FAM184A: variants seen among roughly 807,000 people sequenced by gnomAD.
FAM184A encodes family with sequence similarity 184 member A.
Under a neutral mutation model 143.8 loss-of-function variants are expected in FAM184A, and 99 were observed. That is an observed-to-expected ratio of 0.69 (90% CI 0.58 to 0.81). The LOEUF is 0.81. Ranked by LOEUF, FAM184A falls within the 40% of genes least tolerant of loss-of-function variation. FAM184A has a pLI of 0.00. For missense variants in FAM184A, 1,217 were observed against 1,310.5 expected (o/e 0.93, Z 1.10); for synonymous variants, 427 against 446.4 (o/e 0.96, Z 0.55).
chr6:119,005,922 A>G lies in FAM184A; in HGVS notation c.1815+525T>C, dbSNP rs1476508385. 5.5e-6 allele frequency: 3 copies of G among 541,284 alleles called. No individual in the cohort carries two copies. The African/African-American group carries it at 5.6e-5, about 10-fold the overall frequency. The allele number at this position is 541,284 out of a possible 1,614,324, so 33.5% of individuals were successfully genotyped here. A position where few individuals can be genotyped will look rare whatever the true frequency, so the allele number is the denominator to read the frequency against. ...GAGAGTTCTACCTCTTACTAGTAAA[A>G]GAATTGCACGTTCCAATTGTTATCG... On this transcript the variant is annotated intron_variant, in intron 7 of 17. Coordinates refer to ENST00000338891, the MANE Select transcript of FAM184A (RefSeq NM_024581.6).
intron 1 of FAM184A, among the ~76,000 whole-genome samples, chr6:119,084,608 G>A (rs1476292391): frequency 1.3e-5 from 2 of 152,340 alleles, no homozygotes; most frequent in East Asian, 3.9e-4. Context: ...AAGGGCTGGA[G>A]GATGGCAGCC....
At chr6:119,099,689 C>T (rs905051228) in intron 1 of FAM184A, among the ~76,000 whole-genome samples, 4 of 152,188 alleles carry the variant, frequency 2.6e-5, no homozygotes, top group African/African-American at 7.2e-5. Context: ...TCGAAGTCTC[C>T]GTAAAAGGCG....
upstream of FAM184A, among the ~76,000 whole-genome samples, chr6:119,079,996 G>A (rs1186962106): frequency 6.6e-6 from 1 of 152,150 alleles, no homozygotes; most frequent in Non-Finnish European, 1.5e-5. Flanking sequence ...TGCTCCTTAA[G>A]CACTAATGAT....
At chr6:119,079,015 C>G (rs982324828), upstream of FAM184A, 13 of 152,090 alleles carry the variant, frequency 8.5e-5, no homozygotes, top group Non-Finnish European at 1.5e-4. Flanking sequence ...CTTCGGTTAG[C>G]AGAACGGGTG....
chr6:119,104,005 T>C (rs1788713055), intron 1 of FAM184A, among the ~76,000 whole-genome samples: 1 of 151,086 alleles, frequency 6.6e-6, no homozygotes. Flanking sequence ...TTTTGGAAAA[T>C]GATGATATTT....
intron 11 of FAM184A, among the ~76,000 whole-genome samples, chr6:118,979,137 G>C (rs1425457905): frequency 6.6e-6 from 1 of 152,190 alleles, no homozygotes; most frequent in Non-Finnish European, 1.5e-5. Context: ...TAGAGTACCA[G>C]TGGTGTTGCT....
chr6:119,090,634 A>G (rs1788341334), intron 1 of FAM184A, among the ~76,000 whole-genome samples: 2 of 152,214 alleles, frequency 1.3e-5, no homozygotes, highest in Admixed American at 1.3e-4. Context: ...CTGATTGTTA[A>G]AAGGACTCCA....
At chr6:118,970,311 G>A (rs1388290497) in intron 14 of FAM184A, among the ~76,000 whole-genome samples, 1 of 151,660 alleles carries the variant, frequency 6.6e-6, no homozygotes, top group South Asian at 2.1e-4. Context: ...AGCCGGGTCT[G>A]TATATCTTAA....
intron 1 of FAM184A, among the ~76,000 whole-genome samples, chr6:119,058,988 CT>C (rs1787117228): frequency 1.3e-5 from 2 of 150,852 alleles, no homozygotes; most frequent in Non-Finnish European, 3.0e-5. Context: ...TATATTTTAT[CT>C]TATTTTGAGA....
chr6:119,004,606 C>T (rs776112082), intron 7 of FAM184A, among the ~76,000 whole-genome samples: 2 of 152,122 alleles, frequency 1.3e-5, no homozygotes, highest in Admixed American at 1.3e-4. Flanking sequence ...ATGCAAAGTA[C>T]ATCATTAGAC....
At chr6:119,072,988 C>A (rs1031653520) in intron 1 of FAM184A, among the ~76,000 whole-genome samples, 6 of 152,096 alleles carry the variant, frequency 3.9e-5, no homozygotes, top group Admixed American at 1.3e-4. Context: ...AGCTTTGGTA[C>A]TATGTGCAAA....
At chr6:119,121,534 G>A (rs1235319093) in intron 1 of FAM184A, among the ~76,000 whole-genome samples, 4 of 152,160 alleles carry the variant, frequency 2.6e-5, no homozygotes, top group Non-Finnish European at 5.9e-5. Context: ...CCCTGAAATT[G>A]CATAATCCAG....
At chr6:119,143,431 C>A (rs991771920) in intron 1 of FAM184A, among the ~76,000 whole-genome samples, 5 of 152,134 alleles carry the variant, frequency 3.3e-5, no homozygotes, top group Non-Finnish European at 7.4e-5. Context: ...GTGAGTAAAA[C>A]AAAAGATGTG....
chr6:118,960,694 G>T, intron 17 of FAM184A: 1 of 661,390 alleles, frequency 1.5e-6, no homozygotes, highest in Non-Finnish European at 2.4e-6. Flanking sequence ...CGTTATTGAT[G>T]TTATATAGTT....
chr6:119,113,149 C>T (rs147589200), intron 1 of FAM184A, among the ~76,000 whole-genome samples: 1,677 of 152,242 alleles, frequency 0.011, 20 homozygotes, highest in South Asian at 0.042. Flanking sequence ...GGCCATTGTG[C>T]TCATGGGGCA....
In FAM184A at chr6:119,078,279, G is replaced by A; in HGVS notation, c.21C>T (p.Ser7=). The A allele has an allele frequency of 6.6e-7, 1 of 1,510,042 alleles. No homozygotes were observed. Among genetic ancestry groups the A allele is most frequent in the Non-Finnish European group, 8.8e-7 (1 of 1,133,028 alleles). The allele number at this position is 1,510,042 out of a possible 1,614,324, so 93.5% of individuals were successfully genotyped here. A position where few individuals can be genotyped will look rare whatever the true frequency, so the allele number is the denominator to read the frequency against. ...AGCCGCCGTAATAGTGCTGCTGCCA[G>A]CTCATGCCCGGGGTCGCCATCTTCC... MATPGM[S]WQQHYYGGSA... is the part of the protein sequence containing the mutation. The change falls in exon 1 of 18, where the codon AGC becomes AGT. Residue 7 remains serine, a synonymous_variant. Transcript: ENST00000338891. The surrounding 1 kb of genome is among the most constrained non-coding windows in gnomAD (Gnocchi z 5.5).
At chr6:118,995,079 A>G (rs1401481140) in intron 9 of FAM184A, among the ~76,000 whole-genome samples, 1 of 152,238 alleles carries the variant, frequency 6.6e-6, no homozygotes, top group Non-Finnish European at 1.5e-5. Flanking sequence ...TATTGATACT[A>G]GTCTTACATT....
At chr6:119,013,685 A>G (rs1785157869) in intron 5 of FAM184A, among the ~76,000 whole-genome samples, 2 of 152,224 alleles carry the variant, frequency 1.3e-5, no homozygotes, top group Admixed American at 6.5e-5. Context: ...ACATAAACAT[A>G]TAGTAGTAAG....
chr6:119,136,920 C>T (rs1378187694), intron 1 of FAM184A, among the ~76,000 whole-genome samples: 1 of 152,086 alleles, frequency 6.6e-6, no homozygotes, highest in Non-Finnish European at 1.5e-5. Context: ...GATGCTGTTA[C>T]TAAAAAAATG....
Sources: allele counts gnomAD v4.1 joint callset (sites outside exome capture counted in the v4.1 genomes callset), GRCh38; gene constraint gnomAD v4.1.1; non-coding constraint Gnocchi (gnomAD v3.1); transcripts MANE v1.5; gene names NCBI Gene and HGNC (gene_info 2026-07-23, HGNC 2026-07-21).